The following MARCHF1 variants were observed in gnomAD, a reference collection of about 807,000 sequenced individuals.
The protein encoded by MARCHF1 is membrane associated ring-CH-type finger 1, also known as E3 ubiquitin-protein ligase MARCHF1.
MARCHF1 carries 40 observed loss-of-function variants against 54.2 expected under a neutral mutation model. The observed-to-expected ratio is 0.74, with a 90% CI of 0.57 to 0.96. MARCHF1 has a LOEUF of 0.96. MARCHF1 is among the 40% of genes least tolerant of loss of function. MARCHF1 has a pLI of 0.00. For synonymous variants in MARCHF1, 236 were observed against 236.3 expected (o/e 1.00, Z 0.01); for missense variants, 586 against 656.5 (o/e 0.89, Z 1.17).
At chr4:164,202,562 C>T (rs1371201855) in intron 1 of MARCHF1, among the ~76,000 whole-genome samples, 1 of 152,022 alleles carries the variant, frequency 6.6e-6, no homozygotes, top group African/African-American at 2.4e-5. Flanking sequence ...GTTATTATCC[C>T]CATTATATAT....
At chr4:164,189,863 T>C (rs1323802706) in intron 1 of MARCHF1, 133 of 1,589,398 alleles carry the variant, frequency 8.4e-5, no homozygotes, top group Non-Finnish European at 1.1e-4. Flanking sequence ...TCCCACAGAT[T>C]GAAGTCACCT....
intron 4 of MARCHF1, among the ~76,000 whole-genome samples, chr4:163,735,746 C>CACAGCAAG (rs150171989): frequency 0.038 from 5,809 of 152,174 alleles, 163 homozygotes; most frequent in East Asian, 0.077. Flanking sequence ...AGTGCTAAAC[C>CACAGCAAG]CTTGCTTCTT....
chr4:163,860,450 T>G (rs531577215), intron 3 of MARCHF1, among the ~76,000 whole-genome samples: 1 of 152,178 alleles, frequency 6.6e-6, no homozygotes, highest in South Asian at 2.1e-4. Flanking sequence ...CAAAAAAGAC[T>G]TATTCTCCAA....
chr4:164,324,186 A>T (rs1421602120), intron 1 of MARCHF1, among the ~76,000 whole-genome samples: 2 of 151,928 alleles, frequency 1.3e-5, no homozygotes, highest in African/African-American at 2.4e-5. Flanking sequence ...GAAGAAAATC[A>T]TACAATTATA....
intron 4 of MARCHF1, among the ~76,000 whole-genome samples, chr4:163,749,147 T>A (rs1746446204): frequency 6.6e-6 from 1 of 152,178 alleles, no homozygotes; most frequent in South Asian, 2.1e-4. Context: ...TCCTGAGAAT[T>A]TTATATTTTA....
intron 5 of MARCHF1, among the ~76,000 whole-genome samples, chr4:163,689,653 AT>A (rs199732729): frequency 0.036 from 5,011 of 138,170 alleles, 225 homozygotes; most frequent in African/African-American, 0.11. Flanking sequence ...ACCTGCGTGG[AT>A]TTTTTTTTTT....
At chr4:164,050,491 T>C (rs552564417) in intron 2 of MARCHF1, among the ~76,000 whole-genome samples, 6 of 152,112 alleles carry the variant, frequency 3.9e-5, no homozygotes, top group Admixed American at 6.6e-5. Flanking sequence ...CTTCCTTCCA[T>C]TGCTATGCTC....
chr4:164,378,204 G>C lies in MARCHF1; in HGVS notation c.-323+5666C>G, dbSNP rs1329164586. Among the ~76,000 whole-genome samples the C allele has an allele frequency of 2.0e-5, 3 of 152,316 alleles. No homozygotes were observed. In the East Asian group the frequency reaches 5.8e-4, roughly 29 times the overall value. ...GGGCAATTGCCAATCTGGAAAGACA[G>C]TGAGAGACTAAGAATACGGGCTTTG... On this transcript the variant is annotated intron_variant, in intron 1 of 9. Transcript: ENST00000514618.
chr4:163,549,510 T>G (rs1156964448), intron 8 of MARCHF1, among the ~76,000 whole-genome samples: 1 of 152,146 alleles, frequency 6.6e-6, no homozygotes, highest in Non-Finnish European at 1.5e-5. Flanking sequence ...TGATCTGCCC[T>G]TCCTTAGTCT....
chr4:164,330,796 C>T (rs369847351), intron 1 of MARCHF1, among the ~76,000 whole-genome samples: 15 of 152,248 alleles, frequency 9.9e-5, no homozygotes, highest in East Asian at 1.9e-4. Flanking sequence ...TATAGAACAG[C>T]ACTGGGGATT....
intron 4 of MARCHF1, among the ~76,000 whole-genome samples, chr4:163,770,153 G>GT (rs1428387449): frequency 6.6e-6 from 1 of 152,074 alleles, no homozygotes; most frequent in African/African-American, 2.4e-5. Context: ...TATGTTGTCA[G>GT]TAAGGGTTAT....
At chr4:163,573,654 A>G (rs1025006935) in intron 8 of MARCHF1, among the ~76,000 whole-genome samples, 1 of 151,804 alleles carries the variant, frequency 6.6e-6, no homozygotes, top group Non-Finnish European at 1.5e-5. Context: ...ATCATTTTTT[A>G]TGGCTGCATA....
chr4:163,812,422 G>T (rs1473393169), intron 4 of MARCHF1, among the ~76,000 whole-genome samples: 1 of 152,010 alleles, frequency 6.6e-6, no homozygotes, highest in Non-Finnish European at 1.5e-5. Context: ...GGAAGCTGAG[G>T]CTTACATATA....
chr4:164,301,311 T>C lies in MARCHF1; in HGVS notation c.-323+82559A>G, dbSNP rs1734555410. Among the ~76,000 whole-genome samples, 4 of 152,140 alleles carry C rather than the reference T, an allele frequency of 2.6e-5. No homozygotes were observed. In the South Asian group the frequency reaches 8.3e-4, roughly 31 times the overall value. On this transcript the variant is annotated intron_variant, in intron 1 of 9. Transcript: ENST00000514618. ...AAAATAAACTGTTTTGAAGATATGA[T>C]TGCTAGAAATTGACAAATGAAGAAA...
intron 5 of MARCHF1, among the ~76,000 whole-genome samples, chr4:163,673,922 C>G (rs1369552044): frequency 6.6e-6 from 1 of 152,018 alleles, no homozygotes; most frequent in Non-Finnish European, 1.5e-5. Flanking sequence ...TTGGAAAAAC[C>G]AAAGAAAGGA....
In MARCHF1 at chr4:164,284,174, T is replaced by C. The variant is rs746709731; in HGVS notation, c.-323+99696A>G. ...ACTTAATGGGTAGGGAGAAAATACATATTTTTAGTTTGAATGTGATACTGG... is the reference window on the plus strand; with the variant it reads ...ACTTAATGGGTAGGGAGAAAATACACATTTTTAGTTTGAATGTGATACTGG... On this transcript the variant is annotated intron_variant, in intron 1 of 9. Coordinates refer to ENST00000514618, the MANE Select transcript of MARCHF1 (RefSeq NM_001394959.1). Among the ~76,000 whole-genome samples, 21 of 151,044 alleles carry C rather than the reference T, an allele frequency of 1.4e-4. 1 individual carries two copies. The highest frequency in any genetic ancestry group is 2.6e-4 in the Non-Finnish European group (18 of 67,970).
intron 5 of MARCHF1, among the ~76,000 whole-genome samples, chr4:163,636,432 G>T (rs1017598500): frequency 4.2e-4 from 61 of 146,204 alleles, no homozygotes; most frequent in African/African-American, 1.5e-3. Context: ...AAAATCACAA[G>T]CATTCCTATA....
intron 1 of MARCHF1, among the ~76,000 whole-genome samples, chr4:164,118,043 A>G (rs1579549442): frequency 6.6e-6 from 1 of 152,080 alleles, no homozygotes; most frequent in South Asian, 2.1e-4. Context: ...TAAGTATAGA[A>G]AAAGAAAGTT....
rs370698641 is a variant in MARCHF1, at chr4:163,925,260, G to A, written c.-39+63241C>T. Among the ~76,000 whole-genome samples the A allele has an allele frequency of 5.9e-5, 9 of 151,780 alleles. No homozygotes were observed. In the East Asian group the frequency reaches 1.2e-3, roughly 19 times the overall value. On this transcript the variant is annotated intron_variant, in intron 3 of 9. Coordinates refer to ENST00000514618, the MANE Select transcript of MARCHF1 (RefSeq NM_001394959.1). ...AAACAATAAGGTTTTATTCATACCC[G>A]AAGCCATTCAGAGTAGAACCCCAGA...
Sources: allele counts gnomAD v4.1 joint callset (sites outside exome capture counted in the v4.1 genomes callset), GRCh38; gene constraint gnomAD v4.1.1; transcripts MANE v1.5; gene names NCBI Gene and HGNC (gene_info 2026-07-23, HGNC 2026-07-21).